The following ATXN8OS variants were observed in gnomAD, a reference collection of about 807,000 sequenced individuals.
The protein encoded by ATXN8OS is ATXN8 opposite strand lncRNA.
Position 70,139,373 on chromosome 13 carries a change from T to TACC in ATXN8OS, n.500-7980_500-7979insCAC. 4 of 678,274 alleles carry TACC rather than the reference T, an allele frequency of 5.9e-6. 1 individual carries two copies. The highest frequency in any genetic ancestry group is 9.7e-6 in the Non-Finnish European group (4 of 412,728). The allele number at this position is 678,274 out of a possible 1,614,324, so 42.0% of individuals were successfully genotyped here. ...GCTTTACTACTACTACTACTACTAC[T>TACC]ACTACTACTACTGCTGCTGCTGCTG... On this transcript the variant is annotated intron_variant and non_coding_transcript_variant, in intron 3 of 4. Transcript: ENST00000678624.
chr13:70,168,961 T>C (rs1280902637), intron 4 of ATXN8OS, among the ~76,000 whole-genome samples: 1 of 152,134 alleles, frequency 6.6e-6, no homozygotes, highest in Non-Finnish European at 1.5e-5. Flanking sequence ...TTGTTTTGTT[T>C]GTTAACTATA....
chr13:70,128,730 G>A (rs1888481133), intron 2 of ATXN8OS, among the ~76,000 whole-genome samples: 1 of 151,716 alleles, frequency 6.6e-6, no homozygotes. Flanking sequence ...CTAAAATATT[G>A]AGATTCTTCC....
rs938754853 is a variant in ATXN8OS at position 70,117,683 on chromosome 13, G to A, written n.398+2385G>A. On this transcript the variant is annotated intron_variant and non_coding_transcript_variant, in intron 2 of 4. Coordinates refer to ENST00000678624, the Ensembl canonical transcript of ATXN8OS. ...TACAATTTGTATAACCTTGGGCAAA[G>A]TACTTAATTTCTTTGAGTCTCAGCT... Among the ~76,000 whole-genome samples, 3 of 152,150 alleles carry A rather than the reference G, an allele frequency of 2.0e-5. No homozygotes were observed. In the East Asian group the frequency reaches 5.8e-4, roughly 29 times the overall value.
intron 4 of ATXN8OS, among the ~76,000 whole-genome samples, chr13:70,160,019 G>T (rs1009895962): frequency 6.6e-6 from 1 of 152,112 alleles, no homozygotes; most frequent in East Asian, 1.9e-4. Context: ...ATGAACATAA[G>T]ATGTTATTTA....
At chr13:70,142,796 C>A (rs1328915455) in intron 3 of ATXN8OS, among the ~76,000 whole-genome samples, 1 of 152,010 alleles carries the variant, frequency 6.6e-6, no homozygotes, top group Non-Finnish European at 1.5e-5. Context: ...TAAATGCGGC[C>A]GGCCGCAGGG....
intron 4 of ATXN8OS, among the ~76,000 whole-genome samples, chr13:70,152,414 C>T (rs554683714): frequency 6.6e-6 from 1 of 151,390 alleles, no homozygotes; most frequent in Non-Finnish European, 1.5e-5. Flanking sequence ...TACAAGTATA[C>T]ATATATACAC....
chr13:70,153,193 A>G (rs1888894119), intron 4 of ATXN8OS, among the ~76,000 whole-genome samples: 1 of 152,188 alleles, frequency 6.6e-6, no homozygotes, highest in Non-Finnish European at 1.5e-5. Context: ...TAGTAGCTAA[A>G]GAGTGAATGG....
intron 3 of ATXN8OS, among the ~76,000 whole-genome samples, chr13:70,132,814 A>G (rs949896830): frequency 6.6e-6 from 1 of 152,034 alleles, no homozygotes; most frequent in African/African-American, 2.4e-5. Flanking sequence ...ATAAATGTGC[A>G]TATTAGTCAA....
intron 3 of ATXN8OS, among the ~76,000 whole-genome samples, chr13:70,135,839 T>TA (rs1458705034): frequency 2.6e-5 from 4 of 152,180 alleles, no homozygotes; most frequent in Admixed American, 2.0e-4. Context: ...ATCAATTATC[T>TA]AAAAAACAAA....
At chr13:70,157,200 A>G (rs1182146197) in intron 4 of ATXN8OS, among the ~76,000 whole-genome samples, 1 of 152,164 alleles carries the variant, frequency 6.6e-6, no homozygotes, top group African/African-American at 2.4e-5. Flanking sequence ...TTACTATATC[A>G]TGAATGAGGA....
intron 4 of ATXN8OS, among the ~76,000 whole-genome samples, chr13:70,154,670 C>T (rs1888914594): frequency 6.6e-6 from 1 of 152,168 alleles, no homozygotes; most frequent in Non-Finnish European, 1.5e-5. Context: ...ATCTAATGTG[C>T]TCTAGAGACT....
chr13:70,164,553 A>G (rs560639932), intron 4 of ATXN8OS, among the ~76,000 whole-genome samples: 44 of 152,194 alleles, frequency 2.9e-4, no homozygotes, highest in African/African-American at 1.1e-3. Flanking sequence ...TAGAGGAAAG[A>G]CACATGCAGC....
chr13:70,170,932 C>T (rs1197789330), exon 5 of ATXN8OS, among the ~76,000 whole-genome samples: 1 of 151,966 alleles, frequency 6.6e-6, no homozygotes, highest in Non-Finnish European at 1.5e-5. Context: ...ACAATGGTGA[C>T]TGTATGTGTA....
chr13:70,118,349 A>G (rs1888311069), intron 2 of ATXN8OS, among the ~76,000 whole-genome samples: 1 of 152,064 alleles, frequency 6.6e-6, no homozygotes, highest in Non-Finnish European at 1.5e-5. Context: ...ACTAGAGGTT[A>G]TTTTGTCAGT....
intron 2 of ATXN8OS, among the ~76,000 whole-genome samples, chr13:70,120,351 TTTAA>T: frequency 6.6e-6 from 1 of 152,172 alleles, no homozygotes; most frequent in East Asian, 1.9e-4. Flanking sequence ...GCTGATGGCC[TTTAA>T]TTAAGTTAGT....
intron 3 of ATXN8OS, among the ~76,000 whole-genome samples, chr13:70,130,431 A>G (rs891153045): frequency 1.3e-5 from 2 of 152,202 alleles, no homozygotes; most frequent in Admixed American, 1.3e-4. Context: ...ACATACTAAG[A>G]AGGCTTGAAG....
chr13:70,158,006 ACAGATG>A (rs1888957913), intron 4 of ATXN8OS, among the ~76,000 whole-genome samples: 1 of 152,216 alleles, frequency 6.6e-6, no homozygotes, highest in African/African-American at 2.4e-5. Context: ...TGCATTAATC[ACAGATG>A]CATTCATTCA....
At chr13:70,170,963 G>A (rs1450558436) in exon 5 of ATXN8OS, among the ~76,000 whole-genome samples, 2 of 152,078 alleles carry the variant, frequency 1.3e-5, no homozygotes, top group Non-Finnish European at 2.9e-5. Context: ...TGTAAACATA[G>A]AGGAAGTACA....
At chr13:70,164,053 TTC>T in intron 4 of ATXN8OS, among the ~76,000 whole-genome samples, 2 of 2,250 alleles carry the variant, frequency 8.9e-4, no homozygotes, top group African/African-American at 1.6e-3. Context: ...GAAGTTTTTA[TTC>T]TTATTATTAT....
Sources: allele counts gnomAD v4.1 joint callset (sites outside exome capture counted in the v4.1 genomes callset), GRCh38; gene constraint gnomAD v4.1.1; transcripts MANE v1.5; gene names NCBI Gene and HGNC (gene_info 2026-07-23, HGNC 2026-07-21).